The following TP53I3 variants were observed in gnomAD, a reference collection of about 807,000 sequenced individuals.
TP53I3 encodes tumor protein p53 inducible protein 3, also known as quinone oxidoreductase PIG3.
TP53I3 carries 32 observed loss-of-function variants against 27.7 expected under a neutral mutation model. The ratio of observed to expected loss-of-function variants is 1.16; its 90% CI spans 0.87 to 1.55. The LOEUF (loss-of-function observed/expected upper bound fraction) is 1.55. TP53I3 is among the 40% of genes most tolerant of loss of function. TP53I3 has a pLI of 0.00. For synonymous variants in TP53I3, 138 were observed against 167.8 expected, an observed-to-expected ratio of 0.82 and a Z score of 1.37; for missense variants, 372 against 412.3, an observed-to-expected ratio of 0.90 and a Z score of 0.85.
rs36207096 is a variant in TP53I3, at chr2:24,084,379, G to T, written c.-53C>A. ...GGCAGGACAGGACAGGGCAGGGCAGGGCAGGACAGGACAGGGCAGGGCAGG... is the reference window on the plus strand; with the variant it reads ...GGCAGGACAGGACAGGGCAGGGCAGTGCAGGACAGGACAGGGCAGGGCAGG... On this transcript the variant is annotated 5_prime_UTR_variant, in exon 1 of 5. Transcript: ENST00000238721. The surrounding 1 kb of genome is among the most constrained non-coding windows in gnomAD (Gnocchi z 8.4). 1.7e-4 allele frequency: 230 copies of T among 1,382,494 alleles called. No homozygotes were observed. In the Middle Eastern group the frequency reaches 2.0e-3, roughly 12 times the overall value. The allele number at this position is 1,382,494 out of a possible 1,614,324, so 85.6% of individuals were successfully genotyped here.
At position 24,079,760 on chromosome 2, in the gene TP53I3, A is replaced by G. The variant is rs35020508; in HGVS notation, c.620-120T>C. 2.0e-3 allele frequency: 1,771 copies of G among 908,182 alleles called. 16 individuals are homozygous for G. The African/African-American group carries it at 0.027, about 14-fold the overall frequency. 56.3% of individuals were successfully genotyped at this position (908,182 alleles called of 1,614,324 possible). On this transcript the variant is annotated intron_variant, in intron 3 of 4. Coordinates refer to ENST00000238721, the MANE Select transcript of TP53I3 (RefSeq NM_004881.5). ...AGTGGTAAATCTATAGGTTGGAATTAGAAACACTGCTTGAAGAACTGTTGT... is the reference window on the plus strand; with the variant it reads ...AGTGGTAAATCTATAGGTTGGAATTGGAAACACTGCTTGAAGAACTGTTGT...
Position 24,084,368 on chromosome 2 carries a change from GGGCAGGGCAGGGCAGGACAGGA to G in TP53I3, c.-64_-43del. ...GGGCAGGGCAGGGCAGGACAGGACA[GGGCAGGGCAGGGCAGGACAGGA>G]CAGGGCAGGGCAGGACAGGACAGGG... On this transcript the variant is annotated 5_prime_UTR_variant, in exon 1 of 5. Coordinates refer to ENST00000238721, the MANE Select transcript of TP53I3 (RefSeq NM_004881.5). This position sits in a 1 kb window ranked among gnomAD's most constrained non-coding sequence, Gnocchi z 8.4. 6.4e-7 allele frequency: 1 copy of G among 1,569,388 alleles called. No individual in the cohort carries two copies. Among genetic ancestry groups the G allele is most frequent in the Non-Finnish European group, 8.6e-7 (1 of 1,159,256 alleles).
rs369175792 is a variant in TP53I3 at position 24,081,769 on chromosome 2, A to G, written c.407-738T>C. Among the ~76,000 whole-genome samples the G allele has an allele frequency of 5.4e-5, 8 of 148,548 alleles. No individual in the cohort carries two copies. The South Asian group carries it at 1.3e-3, about 24-fold the overall frequency. ...AGTGGCGCAATCTTGGCTCACTGCA[A>G]GCTCTGCCCCACCCCCCCTGCGTTC... On this transcript the variant is annotated intron_variant, in intron 2 of 4. Coordinates refer to ENST00000238721, the MANE Select transcript of TP53I3 (RefSeq NM_004881.5).
At position 24,083,171 on chromosome 2, in the gene TP53I3, A is replaced by G. The variant is rs1307142611; in HGVS notation, c.139-19T>C. On this transcript the variant is annotated intron_variant, in intron 1 of 4. Coordinates refer to ENST00000238721, the MANE Select transcript of TP53I3 (RefSeq NM_004881.5). ...CTTGTCTCTGCAGAGAAAGAAGTGCACTAAGTGGTGAGCATGATCAGAAAT... is the reference window on the plus strand; with the variant it reads ...CTTGTCTCTGCAGAGAAAGAAGTGCGCTAAGTGGTGAGCATGATCAGAAAT... 1.3e-6 allele frequency: 2 copies of G among 1,580,704 alleles called. No individual in the cohort carries two copies. The highest frequency in any genetic ancestry group is 3.5e-5 in the Admixed American group (2 of 57,426).
intron 4 of TP53I3, 42 bp downstream of exon 4, chr2:24,079,402 T>C: frequency 6.2e-7 from 1 of 1,602,004 alleles, no homozygotes; most frequent in Non-Finnish European, 8.5e-7. Context: ...AACCACACTT[T>C]TCTGGGTTAA....
Position 24,083,041 on chromosome 2 carries a change from C to A in TP53I3, c.250G>T (p.Asp84Tyr), listed in dbSNP as rs201917137. 1.2e-6 allele frequency: 2 copies of A among 1,614,206 alleles called. No individual in the cohort carries two copies. Among genetic ancestry groups the A allele is most frequent in the Non-Finnish European group, 1.7e-6 (2 of 1,180,034 alleles). Reference protein sequence around the residue: ...PGCQGHWKIGDTAMALLPGGG... With the variant: ...PGCQGHWKIGYTAMALLPGGG... ...CCGGGGAGCAGAGCCATGGCTGTGT[C>A]CCCGATCTTCCAGTGTCCCTGGCAG... The change falls in exon 2 of 5, where the codon GAC (aspartate) becomes TAC (tyrosine). Residue 84 changes from aspartate to tyrosine, a missense_variant. By Grantham distance (160) the Asp-to-Tyr change is radical. Transcript: ENST00000238721.
In TP53I3 at chr2:24,080,819, CT is replaced by C; in HGVS notation, c.618del (p.Gly207ValfsTer8). On this transcript the variant is annotated frameshift_variant and splice_region_variant, in exon 3 of 5. Transcript: ENST00000238721. LOFTEE classifies it high-confidence loss of function. This position sits in a 1 kb window ranked among gnomAD's most constrained non-coding sequence, Gnocchi z 4.7. The stretch of plus-strand genomic sequence containing the variant: ...CTGAACTGTAGAAGCAGTTGTTTAC[CT>C]TTGGTGAATTTCAGCGTTGCTTCAG... Reference protein sequence around the residue: ...DFSEATLKFTKGAGVNLILDC... With the variant: ...DFSEATLKFTXGAGVNLILDC... The C allele has an allele frequency of 6.2e-7, 1 of 1,614,138 alleles. No individual in the cohort carries two copies. The highest frequency in any genetic ancestry group is 1.1e-5 in the South Asian group (1 of 91,068).
At chr2:24,079,418 A>T (rs762277394) in intron 4 of TP53I3, 26 bp downstream of exon 4, 1 of 1,610,696 alleles carries the variant, frequency 6.2e-7, no homozygotes, top group Non-Finnish European at 8.5e-7. Context: ...GTTAAATCAC[A>T]TGTTTTCTTT....
At position 24,079,425 on chromosome 2, in the gene TP53I3, CT is replaced by C; in HGVS notation, c.816+18del. 1.2e-6 allele frequency: 2 copies of C among 1,611,424 alleles called. No homozygotes were observed. The highest frequency in any genetic ancestry group is 1.7e-6 in the Non-Finnish European group (2 of 1,178,356). On this transcript the variant is annotated intron_variant, in intron 4 of 4. Transcript: ENST00000238721. ...TTTTCTGGGTTAAATCACATGTTTT[CT>C]TTTCATTCATCACTCACCTTATTGT...
At position 24,084,379 on chromosome 2, in the gene TP53I3, GGC is replaced by G; in HGVS notation, c.-55_-54del. 1 of 1,382,582 alleles carries G rather than the reference GGC, an allele frequency of 7.2e-7. No homozygotes were observed. The highest frequency in any genetic ancestry group is 1.4e-5 in the African/African-American group (1 of 71,716). The allele number at this position is 1,382,582 out of a possible 1,614,324, so 85.6% of individuals were successfully genotyped here. On this transcript the variant is annotated 5_prime_UTR_variant, in exon 1 of 5. Transcript: ENST00000238721. This position sits in a 1 kb window ranked among gnomAD's most constrained non-coding sequence, Gnocchi z 8.4. ...GGCAGGACAGGACAGGGCAGGGCAG[GGC>G]AGGACAGGACAGGGCAGGGCAGGAC...
rs1020081688 is a variant in TP53I3, at chr2:24,080,438, A to G, written c.619+381T>C. On this transcript the variant is annotated intron_variant, in intron 3 of 4. Transcript: ENST00000238721. The surrounding 1 kb of genome is among the most constrained non-coding windows in gnomAD (Gnocchi z 4.7). Reference sequence around the variant, plus strand: ...TTGGAATACAGAGGTGTGCACATCTACTTACTCATTTAGGGTGCTACCACC... The same window carrying G: ...TTGGAATACAGAGGTGTGCACATCTGCTTACTCATTTAGGGTGCTACCACC... Among the ~76,000 whole-genome samples, 2 of 151,960 alleles carry G rather than the reference A, an allele frequency of 1.3e-5. No homozygotes were observed. The highest frequency in any genetic ancestry group is 2.1e-4 in the South Asian group (1 of 4,818).
Position 24,082,928 on chromosome 2 carries a change from G to A in TP53I3, c.363C>T (p.Ile121=), listed in dbSNP as rs373186999. ...GGAAGGCGGTGAGCCAGGCCTCTGG[G>A]ATGGCTGCAGCCTGGGTCAGGGTCA... The part of the protein sequence containing the change: ...EGLTLTQAAA[I]PEAWLTAFQL... The change falls in exon 2 of 5, where the codon ATC becomes ATT. Residue 121 remains isoleucine (I), a synonymous_variant. Transcript: ENST00000238721. 2 of 1,613,020 alleles carry A rather than the reference G, an allele frequency of 1.2e-6. No homozygotes were observed. The highest frequency in any genetic ancestry group is 2.7e-5 in the African/African-American group (2 of 74,908).
Position 24,083,158 on chromosome 2 carries a change from GAGAA to G in TP53I3, c.139-10_139-7del. On this transcript the variant is annotated splice_region_variant and splice_polypyrimidine_tract_variant and intron_variant, in intron 1 of 4. Coordinates refer to ENST00000238721, the MANE Select transcript of TP53I3 (RefSeq NM_004881.5). ...GGGTCATACTGGCCTTGTCTCTGCA[GAGAA>G]AGAAGTGCACTAAGTGGTGAGCATG... 2 of 1,598,726 alleles carry G rather than the reference GAGAA, an allele frequency of 1.3e-6. No individual in the cohort carries two copies. The highest frequency in any genetic ancestry group is 1.7e-6 in the Non-Finnish European group (2 of 1,169,594).
rs1664898230 is a variant in TP53I3, at chr2:24,079,387, A to G, written c.816+57T>C. ...AGAGCTTCCTTTCTCGGGGTAATGT[A>G]AATGAACCACACTTTTCTGGGTTAA... On this transcript the variant is annotated intron_variant, in intron 4 of 4. Transcript: ENST00000238721. 5 of 1,579,078 alleles carry G rather than the reference A, an allele frequency of 3.2e-6. No homozygotes were observed. The Admixed American group carries it at 8.8e-5, about 28-fold the overall frequency.
intron 4 of TP53I3, chr2:24,078,933 G>A (rs980995757): frequency 6.5e-6 from 1 of 154,878 alleles, no homozygotes; most frequent in East Asian, 1.9e-4. Flanking sequence ...GGGTACAGTG[G>A]CTATGCACAG....
chr2:24,081,021 C>T lies in TP53I3; in HGVS notation c.417G>A (p.Gln139=). Reference sequence around the variant, plus strand: ...CATGGATTAGCACATAGTCTCCAGCCTGAACATTTCCTGTGACAGAAAGTA... The same window carrying T: ...CATGGATTAGCACATAGTCTCCAGCTTGAACATTTCCTGTGACAGAAAGTA... The part of the protein sequence containing the change: ...FQLLHLVGNV[Q]AGDYVLIHAG... Residue 139 remains glutamine (Q), a synonymous_variant, in exon 3 of 5, where the codon CAG becomes CAA. Transcript: ENST00000238721. 1 of 1,612,326 alleles carries T rather than the reference C, an allele frequency of 6.2e-7. No individual in the cohort carries two copies. The highest frequency in any genetic ancestry group is 8.5e-7 in the Non-Finnish European group (1 of 1,178,724).
At chr2:24,081,857 A>G (rs1159616910) in intron 2 of TP53I3, among the ~76,000 whole-genome samples, 3 of 151,374 alleles carry the variant, frequency 2.0e-5, no homozygotes, top group Admixed American at 6.6e-5. Flanking sequence ...CACCACGCCC[A>G]GCTAATTTTT....
In TP53I3 at chr2:24,084,703, G is replaced by C. The variant is rs1665183181; in HGVS notation, c.-377C>G. On this transcript the variant is annotated 5_prime_UTR_variant, in exon 1 of 5. Transcript: ENST00000238721. This position sits in a 1 kb window ranked among gnomAD's most constrained non-coding sequence, Gnocchi z 8.4. ...GTTGGAAGCCCCCAGCCCGACCCGG[G>C]TCCCCGGCGCCCGTATGAGTTACTT... 1 of 175,702 alleles carries C rather than the reference G, an allele frequency of 5.7e-6. No individual in the cohort carries two copies. 10.9% of individuals were successfully genotyped at this position (175,702 alleles called of 1,614,324 possible). A position where few individuals can be genotyped will look rare whatever the true frequency, so the allele number is the denominator to read the frequency against.
At chr2:24,082,023 C>T (rs1279858342) in intron 2 of TP53I3, among the ~76,000 whole-genome samples, 1 of 152,056 alleles carries the variant, frequency 6.6e-6, no homozygotes, top group Non-Finnish European at 1.5e-5. Flanking sequence ...GAGACAGAGT[C>T]TCACTCTACT....
Sources: gnomAD v4.1 joint callset for allele counts (sites outside exome capture counted in the v4.1 genomes callset) on GRCh38, gnomAD v4.1.1 for gene constraint, Gnocchi (gnomAD v3.1) non-coding constraint, MANE v1.5 for transcripts, NCBI Gene and HGNC (gene_info 2026-07-23, HGNC 2026-07-21) for gene names.